The following RNF19B variants were observed in gnomAD, a reference collection of about 807,000 sequenced individuals.
RNF19B encodes E3 ubiquitin-protein ligase RNF19B.
RNF19B carries 23 observed loss-of-function variants against 65.5 expected under a neutral mutation model. The observed-to-expected ratio is 0.35, with a 90% CI of 0.25 to 0.50. The LOEUF (loss-of-function observed/expected upper bound fraction) is 0.50. Among genes scored for constraint, RNF19B ranks in the 20% least tolerant of loss-of-function variants. RNF19B has a pLI of 0.98. For missense variants in RNF19B, 794 were observed against 980.0 expected, an observed-to-expected ratio of 0.81 and a Z score of 2.53; for synonymous variants, 372 against 379.6, an observed-to-expected ratio of 0.98 and a Z score of 0.23.
chr1:32,956,569 C>T (rs998357278), intron 1 of RNF19B, among the ~76,000 whole-genome samples: 2 of 152,098 alleles, frequency 1.3e-5, no homozygotes, highest in Non-Finnish European at 2.9e-5. Flanking sequence ...GAGTTAAACC[C>T]TATCTCAAAA....
At position 32,937,279 on chromosome 1, in the gene RNF19B, T is replaced by G. The variant is rs1290678400; in HGVS notation, c.1743-20A>C. The stretch of plus-strand genomic sequence containing the variant: ...CATTCTCTGTGGAGACAAAATCCAC[T>G]TTGCTGAGTCATGCATGGATCATGC... On this transcript the variant is annotated intron_variant, in intron 8 of 8. Coordinates refer to ENST00000235150, the MANE Select transcript of RNF19B (RefSeq NM_001300826.2). 6.2e-7 allele frequency: 1 copy of G among 1,613,116 alleles called. No individual in the cohort carries two copies. Among genetic ancestry groups the G allele is most frequent in the South Asian group, 1.1e-5 (1 of 91,090 alleles).
intron 8 of RNF19B, among the ~76,000 whole-genome samples, chr1:32,937,670 C>A (rs753396270): frequency 6.6e-6 from 1 of 152,078 alleles, no homozygotes; most frequent in Non-Finnish European, 1.5e-5. Flanking sequence ...GATTGTGTCA[C>A]TGCACTCCAG....
intron 5 of RNF19B, 132 bp downstream of exon 5, chr1:32,945,382 G>A (rs948089883): frequency 3.6e-6 from 2 of 554,018 alleles, no homozygotes; most frequent in African/African-American, 1.9e-5. Context: ...CATAATCATG[G>A]TGCCTAACAG....
chr1:32,964,443 G>A lies in RNF19B; in HGVS notation c.243C>T (p.Pro81=), dbSNP rs1570135093. ...CCTCGGCCTCGGCGGCCGGCTCGGC[G>A]GGCAGCGCCTCGGGCGGCGGGCCCT... The part of the protein sequence containing the change: ...AAQGPPPEAL[P]AEPAAEAEAE... The change falls in exon 1 of 9, where the codon CCC becomes CCT. Residue 81 remains proline (P), a synonymous_variant. Transcript: ENST00000235150. The surrounding 1 kb of genome is among the most constrained non-coding windows in gnomAD (Gnocchi z 6.5). 9.1e-7 allele frequency: 1 copy of A among 1,101,440 alleles called. No individual in the cohort carries two copies. Among genetic ancestry groups the A allele is most frequent in the Non-Finnish European group, 1.1e-6 (1 of 905,710 alleles). The allele number at this position is 1,101,440 out of a possible 1,614,324, so 68.2% of individuals were successfully genotyped here.
At chr1:32,945,710 C>G (rs1392715486) in intron 4 of RNF19B, 82 bp from the exon 5 acceptor site, 1 of 750,954 alleles carries the variant, frequency 1.3e-6, no homozygotes, top group Non-Finnish European at 2.3e-6. Context: ...GGTGAATATT[C>G]ACTTGTAAGT....
At chr1:32,944,931 G>A (rs1018676844) in intron 5 of RNF19B, among the ~76,000 whole-genome samples, 8 of 152,000 alleles carry the variant, frequency 5.3e-5, no homozygotes, top group African/African-American at 1.9e-4. Context: ...CTCGTGATCC[G>A]CCCGCCTCGG....
chr1:32,944,305 G>C (rs1009629174), intron 5 of RNF19B, 146 bp from the exon 6 acceptor site: 1 of 787,818 alleles, frequency 1.3e-6, no homozygotes, highest in African/African-American at 1.8e-5. Flanking sequence ...TGGTGTAACA[G>C]AATGATGACC....
chr1:32,946,308 C>T, intron 4 of RNF19B, 94 bp downstream of exon 4: 2 of 1,039,182 alleles, frequency 1.9e-6, no homozygotes, highest in South Asian at 1.6e-5. Context: ...GGTTTTCAGG[C>T]AGCTCTGAAA....
the RNF19B span, among the ~76,000 whole-genome samples, chr1:32,929,126 G>T: frequency 6.6e-6 from 1 of 152,194 alleles, no homozygotes; most frequent in South Asian, 2.1e-4. Context: ...CGGGCTGTGG[G>T]GGAGGATCTG....
intron 1 of RNF19B, among the ~76,000 whole-genome samples, chr1:32,959,617 A>C (rs1247070643): frequency 6.6e-6 from 1 of 152,198 alleles, no homozygotes; most frequent in Non-Finnish European, 1.5e-5. Flanking sequence ...TTATGTCTGA[A>C]TGAGATTATA....
chr1:32,956,801 T>C (rs1367980872), intron 1 of RNF19B, among the ~76,000 whole-genome samples: 1 of 152,182 alleles, frequency 6.6e-6, no homozygotes, highest in Non-Finnish European at 1.5e-5. Context: ...GTTAAAGAAA[T>C]GTGTTCCTAT....
At chr1:32,938,665 G>A (rs1236078817) in intron 7 of RNF19B, 137 bp from the exon 8 acceptor site, 15 of 805,706 alleles carry the variant, frequency 1.9e-5, no homozygotes, top group South Asian at 1.7e-4. Context: ...GTCAAACAGC[G>A]CAAATAGATG....
At chr1:32,960,064 T>A (rs1026111879) in intron 1 of RNF19B, among the ~76,000 whole-genome samples, 18 of 150,784 alleles carry the variant, frequency 1.2e-4, no homozygotes, top group African/African-American at 4.4e-4. Flanking sequence ...AAAAAAAAAA[T>A]TATAATGTGA....
intron 1 of RNF19B, among the ~76,000 whole-genome samples, chr1:32,957,515 G>C (rs1336000639): frequency 1.3e-5 from 2 of 152,120 alleles, no homozygotes; most frequent in Non-Finnish European, 2.9e-5. Flanking sequence ...TACTCACCCA[G>C]GGTTCAACAG....
rs749760828 is a variant in RNF19B at position 32,944,134 on chromosome 1, T to A, written c.1287A>T (p.Ala429=). The A allele has an allele frequency of 1.9e-6, 3 of 1,613,608 alleles. No individual in the cohort carries two copies. The highest frequency in any genetic ancestry group is 2.5e-6 in the Non-Finnish European group (3 of 1,179,746). The change falls in exon 6 of 9, where the codon GCA becomes GCT. Residue 429 remains alanine, a synonymous_variant. Transcript: ENST00000235150. ...SVGIGVPIML[A]YVYGVVPISL... is the part of the protein sequence containing the mutation. ...AAATGGGCACAACCCCATAAACATA[T>A]GCCAGCATAATGGGGACACCAATAC...
chr1:32,944,026 T>C lies in RNF19B; in HGVS notation c.1395A>G (p.Pro465=). 6.2e-7 allele frequency: 1 copy of C among 1,607,006 alleles called. No individual in the cohort carries two copies. Among genetic ancestry groups the C allele is most frequent in the Non-Finnish European group, 8.5e-7 (1 of 1,175,158 alleles). ...AAACATCCTGCTTTTTACCTGTGAT[T>C]GGACCATCATCTTCATCAAATTCAA... The part of the protein sequence containing the change: ...VKIEFDEDDG[P]ITVADAWRAL... Residue 465 remains proline, a synonymous_variant, in exon 6 of 9, where the codon CCA becomes CCG. Coordinates refer to ENST00000235150, the MANE Select transcript of RNF19B (RefSeq NM_001300826.2).
chr1:32,937,098 G>A lies in RNF19B; in HGVS notation c.1904C>T (p.Pro635Leu). The stretch of plus-strand genomic sequence containing the variant: ...CTGTTCACAGCTTTGGTGTCTGCAG[G>A]GGGGATCCTCTTCACTGCCTCCGCC... ...SGGGGSEEDP[P>L]CRHQSCEQKD... The change falls in exon 9 of 9, where the codon CCC (proline) becomes CTC (leucine). Residue 635 changes from proline to leucine, a missense_variant. By Grantham distance (98) the Pro-to-Leu change is moderately conservative (BLOSUM62 -3). This residue lies in a region of RNF19B where 368 missense variants were observed against 447.3 expected (regional missense o/e 0.82). Coordinates refer to ENST00000235150, the MANE Select transcript of RNF19B (RefSeq NM_001300826.2). The A allele has an allele frequency of 6.2e-7, 1 of 1,614,144 alleles. No individual in the cohort carries two copies. The highest frequency in any genetic ancestry group is 8.5e-7 in the Non-Finnish European group (1 of 1,180,022).
chr1:32,947,817 A>G (rs1420720484), intron 3 of RNF19B, among the ~76,000 whole-genome samples: 1 of 152,112 alleles, frequency 6.6e-6, no homozygotes, highest in Admixed American at 6.6e-5. Context: ...TTTATGACAA[A>G]AGATAAAAGA....
rs1642101172 is a variant in RNF19B, at chr1:32,936,522, A to G, written c.*284T>C. On this transcript the variant is annotated 3_prime_UTR_variant, in exon 9 of 9. Transcript: ENST00000235150. ...TTTAGCATTCAATATACACACATACATATGTACACTCTTTGACACACCTCA... is the reference window on the plus strand; with the variant it reads ...TTTAGCATTCAATATACACACATACGTATGTACACTCTTTGACACACCTCA... The G allele has an allele frequency of 3.2e-6, 1 of 315,826 alleles. No individual in the cohort carries two copies. The highest frequency in any genetic ancestry group is 5.8e-6 in the Non-Finnish European group (1 of 171,544). The allele number at this position is 315,826 out of a possible 1,614,324, so 19.6% of individuals were successfully genotyped here.
Sources: allele counts gnomAD v4.1 joint callset (sites outside exome capture counted in the v4.1 genomes callset), GRCh38; gene constraint gnomAD v4.1.1; regional missense constraint gnomAD v4.1.1; non-coding constraint Gnocchi (gnomAD v3.1); transcripts MANE v1.5; gene names NCBI Gene and HGNC (gene_info 2026-07-23, HGNC 2026-07-21).